The following LIN7A variants were observed in gnomAD, a reference collection of about 807,000 sequenced individuals.
LIN7A encodes protein lin-7 homolog A.
LIN7A carries 25 observed loss-of-function variants against 29.8 expected under a neutral mutation model. That is an observed-to-expected ratio of 0.84 (90% CI 0.61 to 1.17). The LOEUF (loss-of-function observed/expected upper bound fraction) is 1.17, where lower values mean the gene tolerates loss of function less well. LIN7A is among the 50% of genes most tolerant of loss of function. The probability of loss-of-function intolerance (pLI) is 0.00; values close to 1 mark genes in which losing one functional copy is unlikely to be tolerated. For synonymous variants in LIN7A, 118 were observed against 107.5 expected, an observed-to-expected ratio of 1.10 and a Z score of -0.60; for missense variants, 239 against 287.0, an observed-to-expected ratio of 0.83 and a Z score of 1.21.
At chr12:80,928,160 A>G (rs1877707980) in intron 1 of LIN7A, among the ~76,000 whole-genome samples, 1 of 152,172 alleles carries the variant, frequency 6.6e-6, no homozygotes, top group Admixed American at 6.5e-5. Flanking sequence ...TAGTGCTGCA[A>G]TAAACATACA....
intron 1 of LIN7A, among the ~76,000 whole-genome samples, chr12:80,916,533 G>T (rs1156353842): frequency 6.6e-6 from 1 of 152,052 alleles, no homozygotes; most frequent in African/African-American, 2.4e-5. Flanking sequence ...CTGCTTGTTT[G>T]CCCCTTGTCC....
chr12:80,909,748 A>G (rs2120792028), intron 1 of LIN7A, among the ~76,000 whole-genome samples: 1 of 152,230 alleles, frequency 6.6e-6, no homozygotes, highest in Non-Finnish European at 1.5e-5. Flanking sequence ...ATTTTGAGTG[A>G]ACACAAATAT....
At chr12:80,932,245 T>C (rs1877954739) in intron 1 of LIN7A, among the ~76,000 whole-genome samples, 1 of 152,216 alleles carries the variant, frequency 6.6e-6, no homozygotes, top group African/African-American at 2.4e-5. Context: ...GGGATAGTTA[T>C]TTGCATTCAA....
At chr12:80,885,945 CA>C (rs1326773941) in intron 2 of LIN7A, among the ~76,000 whole-genome samples, 2 of 151,982 alleles carry the variant, frequency 1.3e-5, no homozygotes, top group Admixed American at 6.6e-5. Flanking sequence ...ATATTTTTGG[CA>C]AAAGCTTGTC....
chr12:80,863,459 A>G (rs1437060940), intron 2 of LIN7A, among the ~76,000 whole-genome samples: 1 of 152,228 alleles, frequency 6.6e-6, no homozygotes, highest in South Asian at 2.1e-4. Flanking sequence ...TCAAAGGTGC[A>G]CATAAACTTA....
chr12:80,801,188 C>T (rs1436793995), intron 5 of LIN7A, among the ~76,000 whole-genome samples: 1 of 152,034 alleles, frequency 6.6e-6, no homozygotes, highest in Non-Finnish European at 1.5e-5. Flanking sequence ...CTTTATACTT[C>T]TCTACTGTCT....
intron 2 of LIN7A, among the ~76,000 whole-genome samples, chr12:80,884,613 G>A (rs954551516): frequency 6.6e-6 from 1 of 152,138 alleles, no homozygotes; most frequent in Non-Finnish European, 1.5e-5. Context: ...CATAACCATA[G>A]ATAGCTTTAG....
intron 4 of LIN7A, among the ~76,000 whole-genome samples, chr12:80,839,424 G>C (rs551125404): frequency 6.6e-6 from 1 of 152,246 alleles, no homozygotes. Flanking sequence ...ATTATGTAGA[G>C]TGCTTACAGC....
chr12:80,863,881 T>G lies in LIN7A; in HGVS notation c.202-15559A>C, dbSNP rs567223787. On this transcript the variant is annotated intron_variant, in intron 2 of 5. Coordinates refer to ENST00000552864, the MANE Select transcript of LIN7A (RefSeq NM_004664.4). ...TCTTTTTTAACAGCTAACTAATGAA[T>G]GATGAAAGGCTTGTTTGTTTGTTTT... Among the ~76,000 whole-genome samples the G allele has an allele frequency of 3.4e-5, 5 of 147,662 alleles. No individual in the cohort carries two copies. The East Asian group carries it at 9.9e-4, about 29-fold the overall frequency.
At chr12:80,899,183 G>A (rs527728837) in intron 1 of LIN7A, among the ~76,000 whole-genome samples, 5 of 152,140 alleles carry the variant, frequency 3.3e-5, no homozygotes, top group Admixed American at 6.5e-5. Context: ...GAGGTTTTTA[G>A]CATGATGTGA....
intron 2 of LIN7A, among the ~76,000 whole-genome samples, chr12:80,854,747 CTAAAT>C (rs1399341329): frequency 8.6e-5 from 13 of 151,784 alleles, no homozygotes; most frequent in African/African-American, 2.4e-4. Context: ...CTATTACTGT[CTAAAT>C]TATACTTCGA....
In LIN7A at chr12:80,889,466, C is replaced by A. The variant is rs185500737; in HGVS notation, c.83-97G>T. 2 of 757,060 alleles carry A rather than the reference C, an allele frequency of 2.6e-6. 1 individual carries two copies. The highest frequency in any genetic ancestry group is 3.3e-5 in the South Asian group (2 of 60,902). 46.9% of individuals were successfully genotyped at this position (757,060 alleles called of 1,614,324 possible). A position where few individuals can be genotyped will look rare whatever the true frequency, so the allele number is the denominator to read the frequency against. ...CCAGTTGGATGATGACATTGAAAAG[C>A]AAGTGGACTTAAATTGCATAATCAG... On this transcript the variant is annotated intron_variant, in intron 1 of 5. Coordinates refer to ENST00000552864, the MANE Select transcript of LIN7A (RefSeq NM_004664.4).
Position 80,854,485 on chromosome 12 carries a change from C to CAAAAAAAAAAAAAAAAAAAA in LIN7A, c.202-6164_202-6163insTTTTTTTTTTTTTTTTTTTT, listed in dbSNP as rs370465323. Among the ~76,000 whole-genome samples, 2 of 37,112 alleles carry CAAAAAAAAAAAAAAAAAAAA rather than the reference C, an allele frequency of 5.4e-5. 1 individual carries two copies. The highest frequency in any genetic ancestry group is 1.0e-4 in the Non-Finnish European group (2 of 19,836). The allele number at this position is 37,112 out of a possible 152,430, so 24.3% of individuals were successfully genotyped here. Reference sequence around the variant, plus strand: ...TGAATCTGAAATGCATGTTGCTAAGCCAAAAAAAAAAAAAAAAAAAAAAGC... The same window carrying CAAAAAAAAAAAAAAAAAAAA: ...TGAATCTGAAATGCATGTTGCTAAGCAAAAAAAAAAAAAAAAAAAACAAAAAAAAAAAAAAAAAAAAAAGC... On this transcript the variant is annotated intron_variant, in intron 2 of 5. Transcript: ENST00000552864.
At chr12:80,827,383 T>A (rs571739346) in intron 4 of LIN7A, among the ~76,000 whole-genome samples, 18 of 128,830 alleles carry the variant, frequency 1.4e-4, no homozygotes, top group Non-Finnish European at 2.3e-4. Context: ...TGAGACTCTG[T>A]CACAAACAAA....
At chr12:80,905,820 A>G (rs186789227) in intron 1 of LIN7A, among the ~76,000 whole-genome samples, 3 of 151,910 alleles carry the variant, frequency 2.0e-5, no homozygotes, top group East Asian at 1.9e-4. Context: ...TTTTCCTAGT[A>G]TTTCATTTTC....
intron 5 of LIN7A, among the ~76,000 whole-genome samples, chr12:80,799,847 T>C (rs1179636038): frequency 1.3e-5 from 2 of 152,124 alleles, no homozygotes; most frequent in African/African-American, 4.8e-5. Context: ...AAGCTGATTA[T>C]TTAAAATGAT....
chr12:80,802,696 C>T (rs1870779293), intron 5 of LIN7A, among the ~76,000 whole-genome samples: 1 of 149,010 alleles, frequency 6.7e-6, no homozygotes, highest in African/African-American at 2.5e-5. Flanking sequence ...ATGGGGGTCT[C>T]ACTATGTTGC....
chr12:80,865,203 A>G (rs955825754), intron 2 of LIN7A, among the ~76,000 whole-genome samples: 3 of 152,208 alleles, frequency 2.0e-5, no homozygotes, highest in Admixed American at 2.0e-4. Flanking sequence ...AAATGATAAG[A>G]TTGTGTAGTC....
intron 4 of LIN7A, among the ~76,000 whole-genome samples, chr12:80,821,574 A>T (rs1217864781): frequency 6.6e-6 from 1 of 152,180 alleles, no homozygotes; most frequent in Admixed American, 6.5e-5. Flanking sequence ...AAATAAGACA[A>T]CAATGCAAAT....
Sources: allele counts gnomAD v4.1 joint callset (sites outside exome capture counted in the v4.1 genomes callset), GRCh38; gene constraint gnomAD v4.1.1; transcripts MANE v1.5; gene names NCBI Gene and HGNC (gene_info 2026-07-23, HGNC 2026-07-21).